The following PCDHA10 variants were observed in gnomAD, a reference collection of about 807,000 sequenced individuals.
PCDHA10 encodes the protein protocadherin alpha 10, also known as protocadherin alpha-10.
A neutral mutation model predicts 61.2 loss-of-function variants in PCDHA10; 45 were observed. The observed-to-expected ratio is 0.74, with a 90% CI of 0.58 to 0.94. PCDHA10 has a LOEUF of 0.94. Among genes scored for constraint, PCDHA10 ranks in the 40% least tolerant of loss-of-function variants. The probability of loss-of-function intolerance (pLI) is 0.00; values close to 1 mark genes in which losing one functional copy is unlikely to be tolerated. For synonymous variants in PCDHA10, 602 were observed against 548.8 expected (o/e 1.10, Z -1.35); for missense variants, 1,278 against 1,236.2 (o/e 1.03, Z -0.51).
chr5:140,879,475 A>G (rs567061434), intron 1 of PCDHA10, among the ~76,000 whole-genome samples: 1 of 152,326 alleles, frequency 6.6e-6, no homozygotes, highest in Non-Finnish European at 1.5e-5. Flanking sequence ...TACCGTTGTG[A>G]TTGGAAATAT....
chr5:140,861,728 A>G (rs2047042358), intron 1 of PCDHA10: 1 of 191,386 alleles, frequency 5.2e-6, no homozygotes, highest in Non-Finnish European at 1.1e-5. Context: ...TGCTCTGATG[A>G]CTTACATACT....
At chr5:140,984,693 A>G (rs1587034361) in intron 3 of PCDHA10, among the ~76,000 whole-genome samples, 1 of 152,264 alleles carries the variant, frequency 6.6e-6, no homozygotes, top group East Asian at 1.9e-4. Flanking sequence ...TATGTTCTGC[A>G]CTGCTTGGAG....
At chr5:140,870,390 G>T (rs377600629) in intron 1 of PCDHA10, 248 of 1,614,112 alleles carry the variant, frequency 1.5e-4, no homozygotes, top group Non-Finnish European at 1.8e-4. Context: ...CGCGGGATGG[G>T]GGTTCGCCTT....
At chr5:140,956,890 G>T (rs2095318198) in intron 1 of PCDHA10, among the ~76,000 whole-genome samples, 3 of 152,136 alleles carry the variant, frequency 2.0e-5, no homozygotes, top group Non-Finnish European at 4.4e-5. Context: ...ATCAATGAAT[G>T]AATATTCTTA....
intron 1 of PCDHA10, among the ~76,000 whole-genome samples, chr5:140,873,598 G>A (rs888999019): frequency 1.3e-5 from 2 of 152,148 alleles, no homozygotes; most frequent in Non-Finnish European, 2.9e-5. Flanking sequence ...AAACTTAGAT[G>A]TTCCTATTGG....
chr5:140,960,467 C>A (rs1554224775), intron 1 of PCDHA10, among the ~76,000 whole-genome samples: 1 of 152,010 alleles, frequency 6.6e-6, no homozygotes, highest in Non-Finnish European at 1.5e-5. Context: ...GAGAAGTAAT[C>A]CTTCTTACAC....
chr5:140,973,167 C>A (rs554202231), intron 1 of PCDHA10, among the ~76,000 whole-genome samples: 44 of 152,284 alleles, frequency 2.9e-4, no homozygotes, highest in Admixed American at 2.4e-3. Context: ...TTTGTAGTCA[C>A]CAAACCTTCA....
intron 1 of PCDHA10, chr5:140,883,347 G>A (rs782384832): frequency 3.7e-6 from 6 of 1,614,046 alleles, no homozygotes; most frequent in African/African-American, 1.3e-5. Flanking sequence ...CTCCCCATCA[G>A]AGAAGACACT....
At chr5:140,928,986 C>G (rs2085702741) in intron 1 of PCDHA10, 1 of 1,613,874 alleles carries the variant, frequency 6.2e-7, no homozygotes, top group East Asian at 2.2e-5. Flanking sequence ...TTCTGGGGTG[C>G]TTACTTTTCT....
intron 1 of PCDHA10, among the ~76,000 whole-genome samples, chr5:140,937,875 G>GCATGGCGCCCAGGCGC (rs1467494060): frequency 1.3e-5 from 2 of 150,442 alleles, no homozygotes; most frequent in African/African-American, 4.9e-5. Context: ...TCGCGCCACT[G>GCATGGCGCCCAGGCGC]CACTCCAGCC....
intron 1 of PCDHA10, among the ~76,000 whole-genome samples, chr5:140,978,326 G>A: frequency 6.6e-6 from 1 of 152,202 alleles, no homozygotes; most frequent in East Asian, 1.9e-4. Flanking sequence ...ACAAGTACAA[G>A]TTTATGAAAA....
At chr5:140,948,866 G>A (rs552659179) in intron 1 of PCDHA10, among the ~76,000 whole-genome samples, 32 of 151,022 alleles carry the variant, frequency 2.1e-4, no homozygotes, top group Non-Finnish European at 2.5e-4. Context: ...ATATTACTTC[G>A]GGTTTACTTT....
At position 140,936,850 on chromosome 5, in the gene PCDHA10, CTTCTCAGT is replaced by C. The variant is rs1421923207; in HGVS notation, c.2389-42094_2389-42087del. Among the ~76,000 whole-genome samples the C allele has an allele frequency of 3.1e-4, 47 of 152,208 alleles. 1 individual carries two copies. Among genetic ancestry groups the C allele is most frequent in the African/African-American group, 1.1e-3 (46 of 41,532 alleles). On this transcript the variant is annotated intron_variant, in intron 1 of 3. Coordinates refer to ENST00000307360, the MANE Select transcript of PCDHA10 (RefSeq NM_018901.4). ...ATTTCTATATAAATTGTAGATTCAG[CTTCTCAGT>C]TTCTATTTTAAAAAACCCTGCTTTG... is the stretch of plus-strand genomic sequence containing the variant.
intron 1 of PCDHA10, chr5:140,869,390 G>A: frequency 1.2e-6 from 2 of 1,614,230 alleles, no homozygotes; most frequent in Non-Finnish European, 1.7e-6. Flanking sequence ...GAGGAGCTGT[G>A]CGGGCAGAGC....
intron 1 of PCDHA10, among the ~76,000 whole-genome samples, chr5:140,899,492 T>A (rs1325439071): frequency 3.9e-5 from 6 of 152,338 alleles, no homozygotes; most frequent in Admixed American, 3.3e-4. Context: ...CTGGATTACA[T>A]TTATTGATTT....
At chr5:140,952,807 C>T (rs1390694306) in intron 1 of PCDHA10, among the ~76,000 whole-genome samples, 2 of 152,158 alleles carry the variant, frequency 1.3e-5, no homozygotes, top group Admixed American at 6.5e-5. Context: ...CGCAGTTCTG[C>T]AGGCTGTACA....
At chr5:140,869,729 A>T (rs1554163384) in intron 1 of PCDHA10, 2 of 1,613,280 alleles carry the variant, frequency 1.2e-6, no homozygotes, top group Non-Finnish European at 1.7e-6. Context: ...CCGGAACTTA[A>T]TTTGCTGCTA....
chr5:140,867,187 G>C (rs1219646479), intron 1 of PCDHA10: 1 of 152,072 alleles, frequency 6.6e-6, no homozygotes, highest in Non-Finnish European at 1.5e-5. Context: ...TACCTCGCAA[G>C]ACTCCACATT....
At chr5:140,978,597 A>G (rs897045455) in intron 1 of PCDHA10, among the ~76,000 whole-genome samples, 1 of 152,234 alleles carries the variant, frequency 6.6e-6, no homozygotes, top group Non-Finnish European at 1.5e-5. Flanking sequence ...TTAATGGGGC[A>G]CTTGAGGGCA....
Sources: allele counts gnomAD v4.1 joint callset (sites outside exome capture counted in the v4.1 genomes callset), GRCh38; gene constraint gnomAD v4.1.1; transcripts MANE v1.5; gene names NCBI Gene and HGNC (gene_info 2026-07-23, HGNC 2026-07-21).